The following SMARCA2 variants were observed in gnomAD, a reference collection of about 807,000 sequenced individuals.
SMARCA2 encodes SWI/SNF related BAF chromatin remodeling complex subunit ATPase 2.
In SMARCA2, 61 loss-of-function variants were observed where a neutral mutation model predicts 199.8. That is an observed-to-expected ratio of 0.31 (90% CI 0.25 to 0.38). SMARCA2 has a LOEUF of 0.38. Among genes scored for constraint, SMARCA2 ranks in the 10% least tolerant of loss-of-function variants. The pLI is 1.00. For synonymous variants in SMARCA2, 935 were observed against 732.0 expected, an observed-to-expected ratio of 1.28 and a Z score of -4.48; for missense variants, 1,344 against 2,012.2, an observed-to-expected ratio of 0.67 and a Z score of 6.35.
intron 2 of SMARCA2, 138 bp downstream of exon 2, chr9:2,029,385 T>G: frequency 8.3e-7 from 1 of 1,205,476 alleles, no homozygotes; most frequent in Non-Finnish European, 1.1e-6. Flanking sequence ...CATATATTAT[T>G]AAAAACGCAT....
chr9:2,038,726 C>T (rs1196255253), intron 3 of SMARCA2, among the ~76,000 whole-genome samples: 1 of 152,080 alleles, frequency 6.6e-6, no homozygotes, highest in Admixed American at 6.5e-5. Flanking sequence ...TATTAGTGTC[C>T]CCTTACCTTC....
At position 2,192,379 on chromosome 9, in the gene SMARCA2, A is replaced by AT. The variant is rs71491993; in HGVS notation, c.4738-316dup. The AT allele has an allele frequency of 0.067, 20,428 of 303,490 alleles. 662 individuals are homozygous for AT. Among genetic ancestry groups the AT allele is most frequent in the East Asian group, 0.16 (1,772 of 11,118 alleles). 18.8% of individuals were successfully genotyped at this position (303,490 alleles called of 1,614,324 possible). A position where few individuals can be genotyped will look rare whatever the true frequency, so the allele number is the denominator to read the frequency against. Reference sequence around the variant, plus strand: ...CTTTAGGAGATGTCAAATGCAGGGTATTTTTTTTTCTCCCATGAATTTTCT... The same window carrying AT: ...CTTTAGGAGATGTCAAATGCAGGGTATTTTTTTTTTCTCCCATGAATTTTCT... On this transcript the variant is annotated intron_variant, in intron 33 of 33. Transcript: ENST00000349721.
chr9:2,062,612 T>C, intron 9 of SMARCA2, among the ~76,000 whole-genome samples: 1 of 152,210 alleles, frequency 6.6e-6, no homozygotes, highest in Admixed American at 6.5e-5. Context: ...GATCTGTAAG[T>C]TGGCACGCCC....
At chr9:2,174,142 G>A (rs1299593540) in intron 29 of SMARCA2, among the ~76,000 whole-genome samples, 10 of 152,042 alleles carry the variant, frequency 6.6e-5, no homozygotes, top group Non-Finnish European at 1.3e-4. Context: ...TCCAGCATTA[G>A]CCTGGCCCTG....
rs575535377 is a variant in SMARCA2, at chr9:2,155,490, C to T, written c.3982-6196C>T. Among the ~76,000 whole-genome samples the T allele has an allele frequency of 3.3e-5, 5 of 152,234 alleles. No individual in the cohort carries two copies. In the South Asian group the frequency reaches 1.0e-3, roughly 32 times the overall value. On this transcript the variant is annotated intron_variant, in intron 27 of 33. Coordinates refer to ENST00000349721, the MANE Select transcript of SMARCA2 (RefSeq NM_003070.5). ...TAGAGATGGTGTTTCACCATATTGGCCAGGCTGGTCTCGAACTCCTGACCT... is the reference window on the plus strand; with the variant it reads ...TAGAGATGGTGTTTCACCATATTGGTCAGGCTGGTCTCGAACTCCTGACCT...
chr9:2,081,972 CT>C lies in SMARCA2; in HGVS notation c.2326del (p.Tyr776IlefsTer25), dbSNP rs1563755874. 1.2e-6 allele frequency: 2 copies of C among 1,613,642 alleles called. No homozygotes were observed. Among genetic ancestry groups the C allele is most frequent in the South Asian group, 1.1e-5 (1 of 91,010 alleles). ...LMEHKRLNGP[Y>X]LIIVPLSTLS... is the part of the protein sequence containing the mutation. ...TGGAGCACAAAAGACTCAATGGCCC[CT>C]ATCTCATCATTGTTCCCCTTTCGTA... On this transcript the variant is annotated frameshift_variant, in exon 15 of 34. Coordinates refer to ENST00000349721, the MANE Select transcript of SMARCA2 (RefSeq NM_003070.5). LOFTEE classifies it high-confidence loss of function.
In SMARCA2 at chr9:2,084,127, G is replaced by A. The variant is rs764614189; in HGVS notation, c.2457G>A (p.Arg819=). 30 of 1,612,972 alleles carry A rather than the reference G, an allele frequency of 1.9e-5. No homozygotes were observed. The highest frequency in any genetic ancestry group is 2.5e-5 in the Non-Finnish European group (29 of 1,179,190). The part of the protein sequence containing the change: ...AMRRSLVPQL[R]SGKFNVLLTT... The stretch of plus-strand genomic sequence containing the variant: ...GTCGCTCCCTTGTCCCCCAGCTACG[G>A]AGTGGCAAATTCAATGTCCTCTTGA... The change falls in exon 17 of 34, where the codon CGG becomes CGA. Residue 819 remains arginine, a synonymous_variant. Transcript: ENST00000349721.
rs1248315380 is a variant in SMARCA2 at position 2,161,709 on chromosome 9, G to A, written c.4005G>A (p.Glu1335=). Residue 1335 remains glutamate (E), a synonymous_variant, in exon 28 of 34, where the codon GAG becomes GAA. Coordinates refer to ENST00000349721, the MANE Select transcript of SMARCA2 (RefSeq NM_003070.5). The surrounding 1 kb of genome is among the most constrained non-coding windows in gnomAD (Gnocchi z 4.7). Reference sequence around the variant, plus strand: ...AGGCCATCGAAGACGGCAATTTGGAGGAAATGGAAGAGGAAGTACGGCTTA... The same window carrying A: ...AGGCCATCGAAGACGGCAATTTGGAAGAAATGGAAGAGGAAGTACGGCTTA... ...WLRAIEDGNL[E]EMEEEVRLKK... The A allele has an allele frequency of 6.2e-7, 1 of 1,613,802 alleles. No individual in the cohort carries two copies. Among genetic ancestry groups the A allele is most frequent in the South Asian group, 1.1e-5 (1 of 91,054 alleles).
chr9:2,101,118 A>G (rs981777051), intron 21 of SMARCA2, among the ~76,000 whole-genome samples: 3 of 152,208 alleles, frequency 2.0e-5, no homozygotes, highest in Admixed American at 2.0e-4. Context: ...AGGAGCTATA[A>G]TTCAAGATGA....
chr9:2,036,011 T>G (rs1417249261), intron 3 of SMARCA2, among the ~76,000 whole-genome samples: 1 of 152,174 alleles, frequency 6.6e-6, no homozygotes, highest in Non-Finnish European at 1.5e-5. Context: ...GGCTGCGAGC[T>G]TTTAACTACC....
In SMARCA2 at chr9:2,171,933, T is replaced by C. The variant is rs566772071; in HGVS notation, c.4253+1461T>C. 5.9e-4 allele frequency among the ~76,000 whole-genome samples: 90 copies of C among 152,302 alleles called. 1 individual carries two copies. The highest frequency in any genetic ancestry group is 8.5e-4 in the Non-Finnish European group (58 of 68,020). On this transcript the variant is annotated intron_variant, in intron 29 of 33. Transcript: ENST00000349721. ...AAGTCCCCAGTGCCATGCCCAGGCT[T>C]TTTGAGGGGAGATGACATGACGGTA...
intron 5 of SMARCA2, among the ~76,000 whole-genome samples, chr9:2,052,064 A>T (rs1340189085): frequency 6.6e-6 from 1 of 152,256 alleles, no homozygotes. Flanking sequence ...GAATTTGAAC[A>T]ATTTTGCCAA....
At position 2,146,370 on chromosome 9, in the gene SMARCA2, G is replaced by C. The variant is rs183023718; in HGVS notation, c.3982-15316G>C. ...ACAATCATTTAGTCCACAGCAATAA[G>C]AAATATGCGAAATCAGGATGGGTAG... On this transcript the variant is annotated intron_variant, in intron 27 of 33. Transcript: ENST00000349721. Among the ~76,000 whole-genome samples, 6 of 152,212 alleles carry C rather than the reference G, an allele frequency of 3.9e-5. No individual in the cohort carries two copies. The East Asian group carries it at 1.2e-3, about 30-fold the overall frequency.
At chr9:2,180,772 G>C (rs1391906559) in intron 29 of SMARCA2, among the ~76,000 whole-genome samples, 2 of 152,204 alleles carry the variant, frequency 1.3e-5, no homozygotes, top group African/African-American at 2.4e-5. Context: ...TTTGTAGCCT[G>C]TGTTTGAAAA....
chr9:2,185,851 C>T (rs898326716), intron 31 of SMARCA2, among the ~76,000 whole-genome samples: 1 of 152,196 alleles, frequency 6.6e-6, no homozygotes, highest in Non-Finnish European at 1.5e-5. Flanking sequence ...ATTTTATCTA[C>T]TATTCTCCTC....
chr9:2,018,350 T>C (rs1037894519), intron 1 of SMARCA2, among the ~76,000 whole-genome samples: 2 of 145,748 alleles, frequency 1.4e-5, no homozygotes, highest in Non-Finnish European at 2.9e-5. Context: ...TTTTGCAAGG[T>C]TGTCTCTTTT....
At position 2,170,571 on chromosome 9, in the gene SMARCA2, T is replaced by C. The variant is rs1456849570; in HGVS notation, c.4253+99T>C. Reference sequence around the variant, plus strand: ...TAATCGGCCTTTGGAAGCAAATTTCTTCGGTCACCTCCTGATCACCCCTAC... The same window carrying C: ...TAATCGGCCTTTGGAAGCAAATTTCCTCGGTCACCTCCTGATCACCCCTAC... On this transcript the variant is annotated intron_variant, in intron 29 of 33. Transcript: ENST00000349721. This position sits in a 1 kb window ranked among gnomAD's most constrained non-coding sequence, Gnocchi z 4.7. The C allele has an allele frequency of 1.0e-5, 16 of 1,588,992 alleles. No homozygotes were observed. Among genetic ancestry groups the C allele is most frequent in the Middle Eastern group, 3.3e-4 (2 of 5,990 alleles).
At chr9:2,060,217 A>G (rs944012815) in intron 8 of SMARCA2, among the ~76,000 whole-genome samples, 3 of 151,948 alleles carry the variant, frequency 2.0e-5, no homozygotes, top group African/African-American at 7.3e-5. Flanking sequence ...ACTTTTTAAA[A>G]TATAAGACAT....
intron 5 of SMARCA2, among the ~76,000 whole-genome samples, chr9:2,053,616 T>C (rs1820223752): frequency 6.6e-6 from 1 of 152,246 alleles, no homozygotes; most frequent in Admixed American, 6.5e-5. Flanking sequence ...CACTTAGTGC[T>C]GTTAATATTA....
Sources: allele counts gnomAD v4.1 joint callset (sites outside exome capture counted in the v4.1 genomes callset), GRCh38; gene constraint gnomAD v4.1.1; non-coding constraint Gnocchi (gnomAD v3.1); transcripts MANE v1.5; gene names NCBI Gene and HGNC (gene_info 2026-07-23, HGNC 2026-07-21).